The following ZNF521 variants were observed in gnomAD, a reference collection of about 807,000 sequenced individuals.
ZNF521 encodes the protein zinc finger protein 521.
In ZNF521, 14 loss-of-function variants were observed where a neutral mutation model predicts 105.5. The observed-to-expected ratio is 0.13, with a 90% confidence interval of 0.09 to 0.21. The LOEUF is 0.21. Ranked by LOEUF, ZNF521 falls within the 10% of genes least tolerant of loss-of-function variation. ZNF521 has a pLI of 1.00. For synonymous variants in ZNF521, 635 were observed against 606.0 expected, an observed-to-expected ratio of 1.05 and a Z score of -0.70; for missense variants, 1,233 against 1,629.7, an observed-to-expected ratio of 0.76 and a Z score of 4.19.
chr18:25,352,102 GC>G lies in ZNF521; in HGVS notation c.-100del. 1 of 481,964 alleles carries G rather than the reference GC, an allele frequency of 2.1e-6. No individual in the cohort carries two copies. The highest frequency in any genetic ancestry group is 1.5e-5 in the South Asian group (1 of 66,720). 29.9% of individuals were successfully genotyped at this position (481,964 alleles called of 1,614,324 possible). A position where few individuals can be genotyped will look rare whatever the true frequency, so the allele number is the denominator to read the frequency against. On this transcript the variant is annotated 5_prime_UTR_variant, in exon 1 of 8. An upstream open reading frame in the 5' UTR gains an earlier in-frame stop. Transcript: ENST00000361524. ...AGCCATCAGGATGGCTCCAGAGGGGGCCCCTAACCCGCAGGGACTCGCTCTG... is the reference window on the plus strand; with the variant it reads ...AGCCATCAGGATGGCTCCAGAGGGGGCCCTAACCCGCAGGGACTCGCTCTG...
At chr18:25,218,039 G>A (rs1287622045) in intron 4 of ZNF521, among the ~76,000 whole-genome samples, 1 of 152,180 alleles carries the variant, frequency 6.6e-6, no homozygotes, top group Non-Finnish European at 1.5e-5. Flanking sequence ...GTTAATTAAA[G>A]TGCTTCCAAT....
rs747539515 is a variant in ZNF521 at position 25,227,236 on chromosome 18, T to G, written c.682A>C (p.Lys228Gln). The G allele has an allele frequency of 1.2e-6, 2 of 1,614,180 alleles. No homozygotes were observed. Among genetic ancestry groups the G allele is most frequent in the South Asian group, 2.2e-5 (2 of 91,082 alleles). ...CTGGAACCGGACTGAGAGCCGTCCTTGTTCCTCTCATGAACCTGCATGTGT... is the reference window on the plus strand; with the variant it reads ...CTGGAACCGGACTGAGAGCCGTCCTGGTTCCTCTCATGAACCTGCATGTGT... ...HGHMQVHERN[K>Q]DGSQSGSRME... Residue 228 changes from lysine to glutamine, a missense_variant, in exon 4 of 8, where the codon AAG becomes CAG. Physicochemically the swap from Lys to Gln is moderately conservative, Grantham distance 53. Transcript: ENST00000361524. The surrounding 1 kb of genome is among the most constrained non-coding windows in gnomAD (Gnocchi z 5.7).
Position 25,227,284 on chromosome 18 carries a change from G to A in ZNF521, c.634C>T (p.Leu212=). 1 of 1,614,172 alleles carries A rather than the reference G, an allele frequency of 6.2e-7. No homozygotes were observed. Among genetic ancestry groups the A allele is most frequent in the Non-Finnish European group, 8.5e-7 (1 of 1,180,036 alleles). ...TGTCCGTGTAAGGAACTAGAGGACA[G>A]AAACCCACGGCGACAAATGGCACAT... ...YKCAICRRGF[L]SSSSLHGHMQ... is the part of the protein sequence containing the mutation. The change falls in exon 4 of 8, where the codon CTG becomes TTG. Residue 212 remains leucine, a synonymous_variant. Transcript: ENST00000361524. The surrounding 1 kb of genome is among the most constrained non-coding windows in gnomAD (Gnocchi z 5.7).
At chr18:25,265,131 A>C (rs1381509040) in intron 3 of ZNF521, among the ~76,000 whole-genome samples, 1 of 152,184 alleles carries the variant, frequency 6.6e-6, no homozygotes, top group African/African-American at 2.4e-5. Flanking sequence ...AAAAATATTA[A>C]ACAAAAATCT....
intron 3 of ZNF521, among the ~76,000 whole-genome samples, chr18:25,237,676 C>T (rs931776895): frequency 3.9e-5 from 6 of 152,186 alleles, no homozygotes; most frequent in Non-Finnish European, 2.9e-5. Context: ...CCTACCAGCA[C>T]AGTTTTAGAA....
chr18:25,063,760 T>G (rs941272225), intron 7 of ZNF521, among the ~76,000 whole-genome samples: 1 of 152,138 alleles, frequency 6.6e-6, no homozygotes, highest in African/African-American at 2.4e-5. Flanking sequence ...TGGCCTGATC[T>G]CCACTCTCCT....
chr18:25,246,670 T>G (rs866353708), intron 3 of ZNF521, among the ~76,000 whole-genome samples: 11 of 152,252 alleles, frequency 7.2e-5, no homozygotes, highest in Admixed American at 6.5e-4. Context: ...TTTTCCAGTC[T>G]TATCTGTGGG....
chr18:25,227,133 T>G lies in ZNF521; in HGVS notation c.785A>C (p.Gln262Pro), dbSNP rs1248063760. The G allele has an allele frequency of 6.2e-7, 1 of 1,614,042 alleles. No individual in the cohort carries two copies. The highest frequency in any genetic ancestry group is 1.7e-5 in the Admixed American group (1 of 60,006). The change falls in exon 4 of 8, where the codon CAA (glutamine) becomes CCA (proline). Residue 262 changes from glutamine (Q) to proline (P), a missense_variant. Physicochemically the swap from Gln to Pro is moderately conservative, Grantham distance 76 (BLOSUM62 -1). Coordinates refer to ENST00000361524, the MANE Select transcript of ZNF521 (RefSeq NM_015461.3). The surrounding 1 kb of genome is among the most constrained non-coding windows in gnomAD (Gnocchi z 5.7). ...GGGGTGGCACTCTGCAATGTGTTTT[T>G]GGAGGTCTTCCGGGAAGTCAAAGCC... ...EEGFDFPEDL[Q>P]KHIAECHPEC...
chr18:25,082,821 G>A (rs1210986648), intron 7 of ZNF521: 2 of 139,184 alleles, frequency 1.4e-5, no homozygotes, highest in Non-Finnish European at 3.0e-5. Flanking sequence ...CAGCCTGGGC[G>A]ACCGAGCAAG....
Position 25,225,109 on chromosome 18 carries a change from G to A in ZNF521, c.2809C>T (p.Arg937Ter). The A allele has an allele frequency of 6.2e-7, 1 of 1,614,152 alleles. No individual in the cohort carries two copies. Among genetic ancestry groups the A allele is most frequent in the Non-Finnish European group, 8.5e-7 (1 of 1,180,020 alleles). The change falls in exon 4 of 8, where the codon CGA becomes TGA. Residue 937 changes from arginine (R) to a stop codon, truncating the protein, a stop_gained. Coordinates refer to ENST00000361524, the MANE Select transcript of ZNF521 (RefSeq NM_015461.3). LOFTEE classifies it high-confidence loss of function. The surrounding 1 kb of genome is among the most constrained non-coding windows in gnomAD (Gnocchi z 5.6). ...KGNYKCNVCS[R>*]TFFSENGLRE... The stretch of plus-strand genomic sequence containing the variant: ...AGGCCATTTTCGGAGAAGAAGGTTC[G>A]AGAGCACACGTTGCACTTGTAATTC...
At chr18:25,203,392 G>A (rs114606831) in intron 4 of ZNF521, among the ~76,000 whole-genome samples, 1 of 152,128 alleles carries the variant, frequency 6.6e-6, no homozygotes, top group African/African-American at 2.4e-5. Flanking sequence ...AGAGGTGAGA[G>A]GATCACTTGA....
chr18:25,094,037 A>T (rs1006858791), intron 5 of ZNF521, among the ~76,000 whole-genome samples: 1 of 152,202 alleles, frequency 6.6e-6, no homozygotes, highest in African/African-American at 2.4e-5. Flanking sequence ...ACGGGTTTTC[A>T]TCTCCTTTTA....
chr18:25,249,031 G>A (rs1907922735), intron 3 of ZNF521, among the ~76,000 whole-genome samples: 1 of 152,140 alleles, frequency 6.6e-6, no homozygotes, highest in Admixed American at 6.5e-5. Flanking sequence ...TATTTACTAT[G>A]CTGACTTCCA....
intron 3 of ZNF521, among the ~76,000 whole-genome samples, chr18:25,300,843 T>C (rs552192567): frequency 2.0e-4 from 31 of 152,292 alleles, no homozygotes; most frequent in African/African-American, 7.5e-4. Context: ...TCAAATACTT[T>C]CCCACCCTCA....
rs146787890 is a variant in ZNF521, at chr18:25,130,763, C to T, written c.3659-38682G>A. 1.3e-3 allele frequency among the ~76,000 whole-genome samples: 195 copies of T among 152,084 alleles called. 3 individuals are homozygous for T. In the East Asian group the frequency reaches 0.033, roughly 26 times the overall value. ...TTGGAGATAGGCCTGGGCAACATAG[C>T]GAGACCCCATCTCTACAAAAAATTC... On this transcript the variant is annotated intron_variant, in intron 5 of 7. Transcript: ENST00000361524.
At chr18:25,113,997 T>G (rs925658170) in intron 5 of ZNF521, among the ~76,000 whole-genome samples, 3 of 152,144 alleles carry the variant, frequency 2.0e-5, no homozygotes, top group Non-Finnish European at 4.4e-5. Flanking sequence ...GCCTTTTTTT[T>G]TTGTTTTCTG....
chr18:25,259,240 C>T (rs1055435960), intron 3 of ZNF521, among the ~76,000 whole-genome samples: 1 of 152,138 alleles, frequency 6.6e-6, no homozygotes, highest in Non-Finnish European at 1.5e-5. Flanking sequence ...TTACTCCTCG[C>T]CAGGAGTAGG....
intron 3 of ZNF521, chr18:25,302,268 G>A (rs764487864): frequency 6.6e-6 from 1 of 151,994 alleles, no homozygotes; most frequent in Admixed American, 6.6e-5. Flanking sequence ...GCACTCTGAG[G>A]CATACGACAT....
At chr18:25,188,599 TA>T (rs2035766386) in intron 5 of ZNF521, among the ~76,000 whole-genome samples, 1 of 152,186 alleles carries the variant, frequency 6.6e-6, no homozygotes, top group Non-Finnish European at 1.5e-5. Context: ...CCACATCTGA[TA>T]AGGAACATAT....
Sources: allele counts gnomAD v4.1 joint callset (sites outside exome capture counted in the v4.1 genomes callset), GRCh38; gene constraint gnomAD v4.1.1; non-coding constraint Gnocchi (gnomAD v3.1); transcripts MANE v1.5; gene names NCBI Gene and HGNC (gene_info 2026-07-23, HGNC 2026-07-21).